Variants in SNCB observed in about 807,000 individuals in gnomAD.
SNCB encodes the protein beta-synuclein.
A neutral mutation model predicts 20.0 loss-of-function variants in SNCB; 8 were observed. That is an observed-to-expected ratio of 0.40 (90% confidence interval 0.24 to 0.72). SNCB has a LOEUF of 0.72. SNCB is among the 30% of genes least tolerant of loss of function. The pLI, the probability that SNCB is intolerant of heterozygous loss-of-function variation, is 0.37. For synonymous variants in SNCB, 56 were observed against 65.4 expected, an observed-to-expected ratio of 0.86 and a Z score of 0.69; for missense variants, 125 against 168.0, an observed-to-expected ratio of 0.74 and a Z score of 1.41.
rs751459830 is a variant in SNCB, at chr5:176,626,476, T to C, written c.204A>G (p.Gly68=). Residue 68 remains glycine, a synonymous_variant, in exon 4 of 6, where the codon GGA becomes GGG. Coordinates refer to ENST00000393693, the MANE Select transcript of SNCB (RefSeq NM_003085.5). The surrounding 1 kb of genome is among the most constrained non-coding windows in gnomAD (Gnocchi z 4.2). ...TGTTCCCTGCCCCAGAGAACACAGC[T>C]CCTCCCAGATGTGAGGCCTGTTCCT... ...KTKEQASHLG[G]AVFSGAGNIA... is the part of the protein sequence containing the mutation. 1 of 1,613,988 alleles carries C rather than the reference T, an allele frequency of 6.2e-7. No individual in the cohort carries two copies. Among genetic ancestry groups the C allele is most frequent in the Non-Finnish European group, 8.5e-7 (1 of 1,179,980 alleles).
chr5:176,625,709 C>T (rs145390732), intron 4 of SNCB, among the ~76,000 whole-genome samples: 28 of 152,270 alleles, frequency 1.8e-4, no homozygotes, highest in African/African-American at 6.7e-4. Context: ...CAGATCACAC[C>T]CACCCCAGCA....
rs776666456 is a variant in SNCB, at chr5:176,629,470, C to T, written c.121+64G>A. ...AGAACCCCCCTCCCCGGGACCCGGC[C>T]CCAGCTCCACACTGTCGGGGGACCC... is the stretch of plus-strand genomic sequence containing the variant. On this transcript the variant is annotated intron_variant, in intron 2 of 5. Coordinates refer to ENST00000393693, the MANE Select transcript of SNCB (RefSeq NM_003085.5). The surrounding 1 kb of genome is among the most constrained non-coding windows in gnomAD (Gnocchi z 4.1). 6.3e-7 allele frequency: 1 copy of T among 1,577,508 alleles called. No homozygotes were observed. Among genetic ancestry groups the T allele is most frequent in the Non-Finnish European group, 8.7e-7 (1 of 1,153,934 alleles).
rs1381448136 is a variant in SNCB, at chr5:176,629,871, C to A, written c.-9-208G>T. ...TCCTAGCGTCCTTGAAACCTGGGGA[C>A]GCGGGAGGGGCCACTGCCTCGGTTA... On this transcript the variant is annotated intron_variant, in intron 1 of 5. Coordinates refer to ENST00000393693, the MANE Select transcript of SNCB (RefSeq NM_003085.5). The surrounding 1 kb of genome is among the most constrained non-coding windows in gnomAD (Gnocchi z 4.1). The A allele has an allele frequency of 1.0e-4, 61 of 604,518 alleles. No homozygotes were observed. The highest frequency in any genetic ancestry group is 1.5e-4 in the Non-Finnish European group (57 of 375,382). 37.4% of individuals were successfully genotyped at this position (604,518 alleles called of 1,614,324 possible). A position where few individuals can be genotyped will look rare whatever the true frequency, so the allele number is the denominator to read the frequency against.
chr5:176,625,620 C>T (rs1759893008), intron 4 of SNCB, among the ~76,000 whole-genome samples: 1 of 152,158 alleles, frequency 6.6e-6, no homozygotes, highest in Admixed American at 6.5e-5. Context: ...CCCCTCTTAT[C>T]AGGGGGTCCT....
Position 176,620,760 on chromosome 5 carries a change from G to A in SNCB, c.*51C>T, listed in dbSNP as rs2075667. 124,970 of 1,348,262 alleles carry A rather than the reference G, an allele frequency of 0.093. 10,440 individuals are homozygous for A. Among genetic ancestry groups the A allele is most frequent in the East Asian group, 0.48 (21,093 of 44,210 alleles). 83.5% of individuals were successfully genotyped at this position (1,348,262 alleles called of 1,614,324 possible). A position where few individuals can be genotyped will look rare whatever the true frequency, so the allele number is the denominator to read the frequency against. On this transcript the variant is annotated 3_prime_UTR_variant, in exon 6 of 6. Coordinates refer to ENST00000393693, the MANE Select transcript of SNCB (RefSeq NM_003085.5). This position sits in a 1 kb window ranked among gnomAD's most constrained non-coding sequence, Gnocchi z 4.5. ...AGGACAGCCCTGGCTCTGGGGGGCG[G>A]GGCAGGGACAGGGACAGAATTGTGC...
chr5:176,627,346 C>T (rs149040469), intron 2 of SNCB, among the ~76,000 whole-genome samples: 14 of 152,366 alleles, frequency 9.2e-5, no homozygotes, highest in African/African-American at 3.4e-4. Context: ...TCCATTTCCT[C>T]TAAAGATTCT....
At position 176,620,248 on chromosome 5, in the gene SNCB, G is replaced by A; in HGVS notation, c.*563C>T. 6.6e-6 allele frequency: 1 copy of A among 151,406 alleles called. No individual in the cohort carries two copies. Among genetic ancestry groups the A allele is most frequent in the Non-Finnish European group, 1.5e-5 (1 of 68,288 alleles). The allele number at this position is 151,406 out of a possible 1,614,324, so 9.4% of individuals were successfully genotyped here. On this transcript the variant is annotated 3_prime_UTR_variant, in exon 6 of 6. Coordinates refer to ENST00000393693, the MANE Select transcript of SNCB (RefSeq NM_003085.5). The surrounding 1 kb of genome is among the most constrained non-coding windows in gnomAD (Gnocchi z 4.5). The stretch of plus-strand genomic sequence containing the variant: ...CTTTATTCATGGACTCTCGGGGGCG[G>A]CCGGGCCCACCCGCCCGGGACACGC...
In SNCB at chr5:176,628,450, C is replaced by T. The variant is rs143907848; in HGVS notation, c.121+1084G>A. The stretch of plus-strand genomic sequence containing the variant: ...TTCTGTCCCCAGAGGCCCAAGTGAC[C>T]GTTCTAAACTAATCACATCATGGCA... On this transcript the variant is annotated intron_variant, in intron 2 of 5. Transcript: ENST00000393693. 1.6e-3 allele frequency among the ~76,000 whole-genome samples: 248 copies of T among 152,310 alleles called. 1 individual carries two copies. Among genetic ancestry groups the T allele is most frequent in the African/African-American group, 5.8e-3 (239 of 41,560 alleles).
In SNCB at chr5:176,626,609, C is replaced by CTAA; in HGVS notation, c.164-94_164-93insTTA. 6.6e-7 allele frequency: 1 copy of CTAA among 1,516,628 alleles called. No homozygotes were observed. Among genetic ancestry groups the CTAA allele is most frequent in the Non-Finnish European group, 9.2e-7 (1 of 1,091,408 alleles). 93.9% of individuals were successfully genotyped at this position (1,516,628 alleles called of 1,614,324 possible). On this transcript the variant is annotated intron_variant, in intron 3 of 5. Transcript: ENST00000393693. The surrounding 1 kb of genome is among the most constrained non-coding windows in gnomAD (Gnocchi z 4.2). ...AGTATCCCAGGGCCTGCCCTCCCCA[C>CTAA]GGAGCATTCCCGCAGAAGCCTTGGG...
chr5:176,625,578 G>A (rs1053447019), intron 4 of SNCB, among the ~76,000 whole-genome samples: 1 of 152,154 alleles, frequency 6.6e-6, no homozygotes, highest in African/African-American at 2.4e-5. Flanking sequence ...TGAGGCTGGG[G>A]GTAGGTGGGT....
chr5:176,620,919 G>T lies in SNCB; in HGVS notation c.373-76C>A. 2 of 1,308,872 alleles carry T rather than the reference G, an allele frequency of 1.5e-6. No individual in the cohort carries two copies. The highest frequency in any genetic ancestry group is 2.2e-6 in the Non-Finnish European group (2 of 901,776). 81.1% of individuals were successfully genotyped at this position (1,308,872 alleles called of 1,614,324 possible). On this transcript the variant is annotated intron_variant, in intron 5 of 5. Transcript: ENST00000393693. The surrounding 1 kb of genome is among the most constrained non-coding windows in gnomAD (Gnocchi z 4.5). ...GTTTGAGACCAAGTGGCCAAGCCCC[G>T]GCCCAAGAACCCTCTCCCTGAAGGA...
At position 176,629,629 on chromosome 5, in the gene SNCB, G is replaced by A; in HGVS notation, c.26C>T (p.Ser9Phe). 6.2e-7 allele frequency: 1 copy of A among 1,613,844 alleles called. No homozygotes were observed. Among genetic ancestry groups the A allele is most frequent in the South Asian group, 1.1e-5 (1 of 91,044 alleles). The stretch of plus-strand genomic sequence containing the variant: ...TGCCACAACGCCCTCCTTGGCCATG[G>A]ACAGGCCCTTCATGAACACGTCCAT... MDVFMKGLSMAKEGVVAAA... is the reference protein window; with the variant it reads MDVFMKGLFMAKEGVVAAA... The change falls in exon 2 of 6, where the codon TCC becomes TTC. Residue 9 changes from serine (S) to phenylalanine (F), a missense_variant. Transcript: ENST00000393693. This position sits in a 1 kb window ranked among gnomAD's most constrained non-coding sequence, Gnocchi z 4.1.
chr5:176,626,628 C>G lies in SNCB; in HGVS notation c.163+92G>C, dbSNP rs773556818. The G allele has an allele frequency of 2.9e-5, 44 of 1,540,552 alleles. No individual in the cohort carries two copies. Among genetic ancestry groups the G allele is most frequent in the South Asian group, 1.7e-4 (15 of 89,606 alleles). ...TCCCCACGGAGCATTCCCGCAGAAGCCTTGGGAGTCTCCCCCGCCCCCGCC... is the reference window on the plus strand; with the variant it reads ...TCCCCACGGAGCATTCCCGCAGAAGGCTTGGGAGTCTCCCCCGCCCCCGCC... On this transcript the variant is annotated intron_variant, in intron 3 of 5. Coordinates refer to ENST00000393693, the MANE Select transcript of SNCB (RefSeq NM_003085.5). The surrounding 1 kb of genome is among the most constrained non-coding windows in gnomAD (Gnocchi z 4.2).
chr5:176,629,563 T>G lies in SNCB; in HGVS notation c.92A>C (p.Glu31Ala), dbSNP rs374440471. ...KTKQGVTEAA[E>A]KTKEGVLYVG... The stretch of plus-strand genomic sequence containing the variant: ...GTAGAGGACGCCCTCCTTGGTCTTC[T>G]CCGCCGCCTCGGTGACCCCCTGCTT... Residue 31 changes from glutamate (E) to alanine (A), a missense_variant, in exon 2 of 6, where the codon GAG becomes GCG. By Grantham distance (107) the Glu-to-Ala change is moderately radical. Transcript: ENST00000393693. This position sits in a 1 kb window ranked among gnomAD's most constrained non-coding sequence, Gnocchi z 4.1. The G allele has an allele frequency of 3.0e-5, 48 of 1,611,172 alleles. No homozygotes were observed. Among genetic ancestry groups the G allele is most frequent in the Middle Eastern group, 1.6e-4 (1 of 6,062 alleles).
At chr5:176,622,704 G>A (rs1264497879) in intron 4 of SNCB, among the ~76,000 whole-genome samples, 1 of 146,256 alleles carries the variant, frequency 6.8e-6, no homozygotes, top group African/African-American at 2.5e-5. Flanking sequence ...GCCAGATACA[G>A]AACAGAAGAG....
intron 2 of SNCB, among the ~76,000 whole-genome samples, chr5:176,628,658 A>G (rs1168476044): frequency 6.6e-6 from 1 of 151,582 alleles, no homozygotes; most frequent in Non-Finnish European, 1.5e-5. Context: ...CCCCCCTCTT[A>G]TTACTCAGGG....
intron 4 of SNCB, among the ~76,000 whole-genome samples, chr5:176,624,815 A>C (rs1420281834): frequency 2.7e-5 from 4 of 148,248 alleles, no homozygotes; most frequent in Non-Finnish European, 5.9e-5. Context: ...AAAAAAAAAA[A>C]AACAAAAAAA....
intron 4 of SNCB, among the ~76,000 whole-genome samples, chr5:176,625,610 C>T (rs1759892160): frequency 2.0e-5 from 3 of 152,252 alleles, no homozygotes; most frequent in African/African-American, 7.2e-5. Context: ...AACTCTTAAC[C>T]CCCTCTTATC....
chr5:176,620,834 G>C lies in SNCB; in HGVS notation c.382C>G (p.Gln128Glu). 1 of 1,613,900 alleles carries C rather than the reference G, an allele frequency of 6.2e-7. No homozygotes were observed. Among genetic ancestry groups the C allele is most frequent in the Non-Finnish European group, 8.5e-7 (1 of 1,179,818 alleles). ...SYEDPPQEEY[Q>E]EYEPEA ...CCCTACGCCTCTGGCTCATACTCCTGATATTCCTCCTGCATCACCGGGATG... is the reference window on the plus strand; with the variant it reads ...CCCTACGCCTCTGGCTCATACTCCTCATATTCCTCCTGCATCACCGGGATG... Residue 128 changes from glutamine (Q) to glutamate (E), a missense_variant, in exon 6 of 6, where the codon CAG becomes GAG. Gln to Glu is a conservative substitution (Grantham distance 29). Coordinates refer to ENST00000393693, the MANE Select transcript of SNCB (RefSeq NM_003085.5). This position sits in a 1 kb window ranked among gnomAD's most constrained non-coding sequence, Gnocchi z 4.5.
Sources: gnomAD v4.1 joint callset for allele counts (sites outside exome capture counted in the v4.1 genomes callset) on GRCh38, gnomAD v4.1.1 for gene constraint, Gnocchi (gnomAD v3.1) non-coding constraint, MANE v1.5 for transcripts, NCBI Gene and HGNC (gene_info 2026-07-23, HGNC 2026-07-21) for gene names.